The following DCC variants were observed in gnomAD, a reference collection of about 807,000 sequenced individuals.
DCC encodes DCC netrin 1 receptor.
DCC carries 58 observed loss-of-function variants against 172.5 expected under a neutral mutation model. The ratio of observed to expected loss-of-function variants is 0.34; its 90% CI spans 0.27 to 0.42. DCC has a LOEUF of 0.42. DCC is among the 10% of genes least tolerant of loss of function. The probability of loss-of-function intolerance (pLI) is 1.00; values close to 1 mark genes in which losing one functional copy is unlikely to be tolerated. For missense variants in DCC, 1,740 were observed against 1,791.0 expected (o/e 0.97, Z 0.51); for synonymous variants, 709 against 644.5 (o/e 1.10, Z -1.52).
chr18:52,910,421 T>C (rs1344453809), intron 3 of DCC, among the ~76,000 whole-genome samples: 1 of 152,224 alleles, frequency 6.6e-6, no homozygotes, highest in Non-Finnish European at 1.5e-5. Flanking sequence ...TGTTGATTAA[T>C]GTTTTAAGAC....
At chr18:53,420,478 C>T (rs192850316) in intron 21 of DCC, among the ~76,000 whole-genome samples, 1 of 152,130 alleles carries the variant, frequency 6.6e-6, no homozygotes, top group East Asian at 1.9e-4. Context: ...ACGCTATATA[C>T]TGGGTGGGTT....
chr18:53,397,183 A>G, intron 17 of DCC, 125 bp from the exon 18 acceptor site: 1 of 835,792 alleles, frequency 1.2e-6, no homozygotes, highest in South Asian at 1.4e-5. Context: ...GCTATGCTCT[A>G]CTCCTCTGCT....
rs2144697977 is a variant in DCC at position 53,267,489 on chromosome 18, T to C, written c.1912-38089T>C. Among the ~76,000 whole-genome samples, 3 of 150,714 alleles carry C rather than the reference T, an allele frequency of 2.0e-5. No individual in the cohort carries two copies. In the Middle Eastern group the frequency reaches 0.011, roughly 534 times the overall value. On this transcript the variant is annotated intron_variant, in intron 12 of 28. Transcript: ENST00000442544. ...GGCATGAGCCACTGTGCCCGGCCAA[T>C]ATTCTTTTGAGACAGGGTCTTTCTC...
At chr18:52,464,627 A>T (rs1988730459) in intron 1 of DCC, among the ~76,000 whole-genome samples, 1 of 152,168 alleles carries the variant, frequency 6.6e-6, no homozygotes, top group Non-Finnish European at 1.5e-5. Flanking sequence ...AGGTGCTCAG[A>T]TCTGTACTGG....
chr18:52,969,365 A>G (rs574433757), intron 5 of DCC, among the ~76,000 whole-genome samples: 1 of 152,234 alleles, frequency 6.6e-6, no homozygotes, highest in South Asian at 2.1e-4. Flanking sequence ...TTAGCAAATA[A>G]CACTACCACC....
At chr18:52,898,715 G>A (rs1261185513) in intron 2 of DCC, among the ~76,000 whole-genome samples, 1 of 144,426 alleles carries the variant, frequency 6.9e-6, no homozygotes, top group African/African-American at 2.6e-5. Context: ...TTTTTTTTTA[G>A]CATCACAAAG....
intron 1 of DCC, among the ~76,000 whole-genome samples, chr18:52,369,410 G>T (rs975107657): frequency 6.6e-6 from 1 of 152,086 alleles, no homozygotes; most frequent in Admixed American, 6.6e-5. Context: ...ATCTGGGAAT[G>T]GCTGAACAGA....
chr18:52,782,812 T>G (rs745321742), intron 2 of DCC, among the ~76,000 whole-genome samples: 6 of 152,122 alleles, frequency 3.9e-5, no homozygotes, highest in Non-Finnish European at 8.8e-5. Flanking sequence ...GTTGTGAATT[T>G]GAGAAGTTAA....
In DCC at chr18:53,305,642, A is replaced by C. The variant is rs1320940640; in HGVS notation, c.1976A>C (p.Lys659Thr). ...CAAAATGGATTTATTACCGGCTATA[A>C]AATTCGACACAGAAAGACGACCCGC... is the stretch of plus-strand genomic sequence containing the variant. ...GTQNGFITGY[K>T]IRHRKTTRRG... The change falls in exon 13 of 29, where the codon AAA becomes ACA. Residue 659 changes from lysine (K) to threonine (T), a missense_variant. By Grantham distance (78) the Lys-to-Thr change is moderately conservative. This residue lies in a region of DCC where 1,732 missense variants were observed against 1,767.4 expected (regional missense o/e 0.98). Transcript: ENST00000442544. 1 of 1,613,996 alleles carries C rather than the reference A, an allele frequency of 6.2e-7. No homozygotes were observed. The highest frequency in any genetic ancestry group is 1.3e-5 in the African/African-American group (1 of 75,048).
At chr18:52,369,915 A>G (rs907798130) in intron 1 of DCC, among the ~76,000 whole-genome samples, 38 of 152,306 alleles carry the variant, frequency 2.5e-4, no homozygotes, top group Non-Finnish European at 3.8e-4. Flanking sequence ...TGTGGCACTA[A>G]CAGTGTCTGA....
intron 1 of DCC, among the ~76,000 whole-genome samples, chr18:52,435,493 C>G (rs1045103083): frequency 6.6e-6 from 1 of 152,162 alleles, no homozygotes; most frequent in Non-Finnish European, 1.5e-5. Flanking sequence ...CACGCTAATG[C>G]TCTCTAATCC....
intron 1 of DCC, among the ~76,000 whole-genome samples, chr18:52,494,421 C>CT (rs2144611427): frequency 6.6e-6 from 1 of 151,924 alleles, no homozygotes; most frequent in East Asian, 1.9e-4. Context: ...TCAAAGATTG[C>CT]TTTTGCCTCA....
intron 1 of DCC, among the ~76,000 whole-genome samples, chr18:52,464,761 T>A (rs1452575304): frequency 6.6e-6 from 1 of 151,984 alleles, no homozygotes; most frequent in Non-Finnish European, 1.5e-5. Context: ...TGTTGGTTTT[T>A]TTTTTCTCCC....
At chr18:53,486,184 T>C (rs932547284) in intron 25 of DCC, among the ~76,000 whole-genome samples, 1 of 152,224 alleles carries the variant, frequency 6.6e-6, no homozygotes, top group African/African-American at 2.4e-5. Context: ...TTTCAGCCAC[T>C]GTAACTAAAA....
At chr18:52,503,544 G>A (rs983576273) in intron 1 of DCC, among the ~76,000 whole-genome samples, 11 of 152,260 alleles carry the variant, frequency 7.2e-5, no homozygotes, top group African/African-American at 2.6e-4. Flanking sequence ...ATGTTCCTGA[G>A]TTCAGCATAT....
At chr18:53,271,580 C>G (rs1470005680) in intron 12 of DCC, among the ~76,000 whole-genome samples, 2 of 152,174 alleles carry the variant, frequency 1.3e-5, no homozygotes, top group Non-Finnish European at 2.9e-5. Context: ...ACATCTGTTC[C>G]TTGCTCCATG....
At chr18:53,206,540 CTATGTATA>C (rs1568365254) in intron 10 of DCC, among the ~76,000 whole-genome samples, 1 of 142,072 alleles carries the variant, frequency 7.0e-6, no homozygotes, top group African/African-American at 2.6e-5. Context: ...TAATACATAT[CTATGTATA>C]TATACATGTA....
chr18:52,654,763 C>T (rs1026432602), intron 1 of DCC, among the ~76,000 whole-genome samples: 3 of 151,974 alleles, frequency 2.0e-5, no homozygotes, highest in Admixed American at 6.6e-5. Context: ...TTTAACATAC[C>T]CCCTCTTCCC....
At chr18:53,013,716 T>C (rs2041765777) in intron 5 of DCC, among the ~76,000 whole-genome samples, 1 of 149,660 alleles carries the variant, frequency 6.7e-6, no homozygotes, top group Middle Eastern at 3.5e-3. Flanking sequence ...AAAAAAAAAA[T>C]CTGAGTCTAA....
Sources: gnomAD v4.1 joint callset for allele counts (sites outside exome capture counted in the v4.1 genomes callset) on GRCh38, gnomAD v4.1.1 for gene constraint, gnomAD v4.1.1 regional missense constraint, MANE v1.5 for transcripts, NCBI Gene and HGNC (gene_info 2026-07-23, HGNC 2026-07-21) for gene names.